The following CLIC4 variants were observed in gnomAD, a reference collection of about 807,000 sequenced individuals.
CLIC4 encodes the protein CLIC family member 4, also known as chloride intracellular channel protein 4.
A neutral mutation model predicts 24.6 loss-of-function variants in CLIC4; 13 were observed. The ratio of observed to expected loss-of-function variants is 0.53; its 90% CI spans 0.34 to 0.84. The LOEUF (loss-of-function observed/expected upper bound fraction) is 0.84, where lower values mean the gene tolerates loss of function less well. Ranked by LOEUF, CLIC4 falls within the 40% of genes least tolerant of loss-of-function variation. The probability of loss-of-function intolerance (pLI) is 0.01; values close to 1 mark genes in which losing one functional copy is unlikely to be tolerated. For synonymous variants in CLIC4, 104 were observed against 111.3 expected, an observed-to-expected ratio of 0.93 and a Z score of 0.41; for missense variants, 227 against 301.7, an observed-to-expected ratio of 0.75 and a Z score of 1.83.
At chr1:24,825,454 A>G (rs751642647) in intron 3 of CLIC4, among the ~76,000 whole-genome samples, 3 of 152,204 alleles carry the variant, frequency 2.0e-5, no homozygotes, top group East Asian at 1.9e-4. Context: ...GGAGAGGGTA[A>G]AGGGCCCTAT....
At chr1:24,825,319 A>G (rs913162701) in intron 3 of CLIC4, among the ~76,000 whole-genome samples, 9 of 152,192 alleles carry the variant, frequency 5.9e-5, no homozygotes, top group East Asian at 1.9e-4. Flanking sequence ...AAATGAGTCA[A>G]TGATGGTCCT....
In CLIC4 at chr1:24,832,261, ATTTTTTTATTTTTTAT is replaced by A. The variant is rs1268329142; in HGVS notation, c.415+5166_415+5181del. 2.0e-3 allele frequency among the ~76,000 whole-genome samples: 2 copies of A among 988 alleles called. 1 individual carries two copies. Among genetic ancestry groups the A allele is most frequent in the African/African-American group, 2.1e-3 (2 of 954 alleles). The allele number at this position is 988 out of a possible 152,430, so 0.6% of individuals were successfully genotyped here. ...TTTGAGCAGTAACGTTTTATTTTTT[ATTTTTTTATTTTTTAT>A]TTTTTTTATTTTTTATTTTTATTGA... On this transcript the variant is annotated intron_variant, in intron 4 of 5. Transcript: ENST00000374379.
At chr1:24,799,330 C>T (rs1639446065) in intron 2 of CLIC4, among the ~76,000 whole-genome samples, 1 of 151,854 alleles carries the variant, frequency 6.6e-6, no homozygotes, top group Admixed American at 6.5e-5. Context: ...AGCGCCTCTG[C>T]CCGGCCGCAA....
intron 4 of CLIC4, among the ~76,000 whole-genome samples, chr1:24,838,001 A>G (rs1020954172): frequency 6.6e-6 from 1 of 152,086 alleles, no homozygotes; most frequent in Non-Finnish European, 1.5e-5. Flanking sequence ...TGACACTTGA[A>G]ACCATATTTG....
intron 4 of CLIC4, among the ~76,000 whole-genome samples, chr1:24,836,761 C>G (rs1184647061): frequency 6.6e-6 from 1 of 152,060 alleles, no homozygotes; most frequent in Non-Finnish European, 1.5e-5. Context: ...TCGCATGAGC[C>G]CAGGAGTTCG....
chr1:24,753,876 T>C (rs958114181), intron 1 of CLIC4, among the ~76,000 whole-genome samples: 4 of 152,142 alleles, frequency 2.6e-5, no homozygotes, highest in Non-Finnish European at 4.4e-5. Flanking sequence ...GGCTTCAAAC[T>C]TCCCCCCGTC....
In CLIC4 at chr1:24,757,005, C is replaced by G. The variant is rs544898915; in HGVS notation, c.72+11380C>G. 5.9e-5 allele frequency among the ~76,000 whole-genome samples: 9 copies of G among 152,186 alleles called. No individual in the cohort carries two copies. The East Asian group carries it at 1.7e-3, about 29-fold the overall frequency. Reference sequence around the variant, plus strand: ...CCGCCTCCTAGGTTCAAGCAATTCTCCTGCCTCAGCCTCCCAAGTAGCTGA... The same window carrying G: ...CCGCCTCCTAGGTTCAAGCAATTCTGCTGCCTCAGCCTCCCAAGTAGCTGA... On this transcript the variant is annotated intron_variant, in intron 1 of 5. Transcript: ENST00000374379.
intron 2 of CLIC4, among the ~76,000 whole-genome samples, chr1:24,799,656 T>C (rs1052796234): frequency 6.9e-5 from 5 of 72,302 alleles, no homozygotes; most frequent in South Asian, 5.4e-4. Flanking sequence ...GTGGGGGGGG[T>C]CAGCCCCCCC....
Position 24,820,067 on chromosome 1 carries a change from G to GTGTATATATATATATATATA in CLIC4, c.308+5849_308+5850insGTATATATATATATATATAT, listed in dbSNP as rs1212033050. Among the ~76,000 whole-genome samples the GTGTATATATATATATATATA allele has an allele frequency of 6.3e-3, 230 of 36,424 alleles. 38 individuals are homozygous for GTGTATATATATATATATATA. The highest frequency in any genetic ancestry group is 9.3e-3 in the Non-Finnish European group (179 of 19,156). The allele number at this position is 36,424 out of a possible 152,430, so 23.9% of individuals were successfully genotyped here. ...TACTTCAAAAAAAAAAAAAAAGTAT[G>GTGTATATATATATATATATA]TATATATATATGTATATATATATAT... On this transcript the variant is annotated intron_variant, in intron 3 of 5. Transcript: ENST00000374379.
chr1:24,799,268 G>A (rs1237918614), intron 2 of CLIC4, among the ~76,000 whole-genome samples: 1 of 143,778 alleles, frequency 7.0e-6, no homozygotes, highest in Non-Finnish European at 1.5e-5. Context: ...GCCGCCCATC[G>A]TCTGAGATGT....
chr1:24,826,417 G>T (rs1433002890), intron 3 of CLIC4, among the ~76,000 whole-genome samples: 1 of 152,154 alleles, frequency 6.6e-6, no homozygotes, highest in African/African-American at 2.4e-5. Context: ...CTGCCGTTGG[G>T]GTTCTCTGGC....
At chr1:24,836,695 A>G (rs1639888816) in intron 4 of CLIC4, among the ~76,000 whole-genome samples, 1 of 152,110 alleles carries the variant, frequency 6.6e-6, no homozygotes, top group Admixed American at 6.6e-5. Flanking sequence ...AAAATTTGAC[A>G]GGTGCAGTGG....
intron 1 of CLIC4, among the ~76,000 whole-genome samples, chr1:24,771,372 A>G (rs1352483163): frequency 6.6e-6 from 1 of 152,192 alleles, no homozygotes; most frequent in Non-Finnish European, 1.5e-5. Context: ...CACTCATCTG[A>G]ATCACCTTTA....
At chr1:24,822,907 G>A (rs556500480) in intron 3 of CLIC4, among the ~76,000 whole-genome samples, 1 of 152,052 alleles carries the variant, frequency 6.6e-6, no homozygotes, top group East Asian at 1.9e-4. Flanking sequence ...TATTGTTCTA[G>A]GGCACCCAGG....
intron 1 of CLIC4, among the ~76,000 whole-genome samples, chr1:24,758,123 C>G (rs895992373): frequency 1.3e-5 from 2 of 152,082 alleles, no homozygotes; most frequent in Non-Finnish European, 2.9e-5. Context: ...AATGTCATTT[C>G]CTTCTGCTTT....
intron 1 of CLIC4, among the ~76,000 whole-genome samples, chr1:24,757,466 G>A (rs1206046756): frequency 1.3e-5 from 2 of 152,130 alleles, no homozygotes; most frequent in African/African-American, 2.4e-5. Flanking sequence ...TGGACCAGGC[G>A]TGGTGGCACA....
At chr1:24,815,401 C>A (rs1483186664) in intron 3 of CLIC4, among the ~76,000 whole-genome samples, 1 of 152,130 alleles carries the variant, frequency 6.6e-6, no homozygotes, top group Non-Finnish European at 1.5e-5. Flanking sequence ...ACTCGGGAGG[C>A]TGAGGCAGGA....
At chr1:24,785,523 A>G (rs1227769553) in intron 1 of CLIC4, among the ~76,000 whole-genome samples, 1 of 152,156 alleles carries the variant, frequency 6.6e-6, no homozygotes, top group Non-Finnish European at 1.5e-5. Flanking sequence ...AAACAGCTAG[A>G]CTCCAAACTT....
rs1450880992 is a variant in CLIC4 at position 24,841,903 on chromosome 1, A to C, written c.*966A>C. The C allele has an allele frequency of 1.3e-5, 2 of 152,656 alleles. No homozygotes were observed. Among genetic ancestry groups the C allele is most frequent in the Admixed American group, 6.5e-5 (1 of 15,294 alleles). The allele number at this position is 152,656 out of a possible 1,614,324, so 9.5% of individuals were successfully genotyped here. A position where few individuals can be genotyped will look rare whatever the true frequency, so the allele number is the denominator to read the frequency against. On this transcript the variant is annotated 3_prime_UTR_variant, in exon 6 of 6. Transcript: ENST00000374379. ...TAATGTAAAAATTAACACAGAAATT[A>C]ACCTAAGGAATGAAGGGTGGGTTTG...
Sources: gnomAD v4.1 joint callset for allele counts (sites outside exome capture counted in the v4.1 genomes callset) on GRCh38, gnomAD v4.1.1 for gene constraint, MANE v1.5 for transcripts, NCBI Gene and HGNC (gene_info 2026-07-23, HGNC 2026-07-21) for gene names.